The following CLVS1 variants were observed in gnomAD, a reference collection of about 807,000 sequenced individuals.
CLVS1 encodes clavesin 1.
Under a neutral mutation model 33.1 loss-of-function variants are expected in CLVS1, and 10 were observed. That is an observed-to-expected ratio of 0.30 (90% CI 0.19 to 0.51). The LOEUF (loss-of-function observed/expected upper bound fraction) is 0.51. CLVS1 is among the 20% of genes least tolerant of loss of function. CLVS1 has a pLI of 0.97. For synonymous variants in CLVS1, 163 were observed against 166.1 expected (o/e 0.98, Z 0.14); for missense variants, 343 against 433.4 (o/e 0.79, Z 1.85).
At chr8:61,140,832 C>T (rs1806295117) in intron 2 of CLVS1, among the ~76,000 whole-genome samples, 1 of 152,278 alleles carries the variant, frequency 6.6e-6, no homozygotes, top group African/African-American at 2.4e-5. Flanking sequence ...TCCCAAAGTA[C>T]TGGGATTACA....
At chr8:61,389,353 C>T (rs767263815) in intron 3 of CLVS1, among the ~76,000 whole-genome samples, 1 of 152,102 alleles carries the variant, frequency 6.6e-6, no homozygotes, top group Non-Finnish European at 1.5e-5. Flanking sequence ...TCCTGGCTAA[C>T]ACGGTGAAAC....
At chr8:61,141,479 GTA>G (rs142262369) in intron 2 of CLVS1, among the ~76,000 whole-genome samples, 1 of 150,896 alleles carries the variant, frequency 6.6e-6, no homozygotes, top group Non-Finnish European at 1.5e-5. Flanking sequence ...ATTGGCTTAT[GTA>G]TATATATATA....
chr8:61,210,462 C>T (rs1807948617), intron 2 of CLVS1, among the ~76,000 whole-genome samples: 2 of 152,178 alleles, frequency 1.3e-5, no homozygotes, highest in Non-Finnish European at 1.5e-5. Flanking sequence ...AAGATGACTT[C>T]CCTGCTGCCT....
At chr8:61,438,907 C>G (rs1563553630) in intron 3 of CLVS1, among the ~76,000 whole-genome samples, 1 of 152,076 alleles carries the variant, frequency 6.6e-6, no homozygotes, top group African/African-American at 2.4e-5. Context: ...ACTAAGTGAC[C>G]AGTAATTCTT....
At chr8:61,292,524 A>G in intron 1 of CLVS1, 1 of 372,272 alleles carries the variant, frequency 2.7e-6, no homozygotes, top group East Asian at 7.5e-5. Flanking sequence ...TTAGAGAAAT[A>G]CTCTTTCCCT....
chr8:61,499,692 C>T lies in CLVS1; in HGVS notation c.*150C>T. 1 of 509,044 alleles carries T rather than the reference C, an allele frequency of 2.0e-6. No homozygotes were observed. The highest frequency in any genetic ancestry group is 3.1e-5 in the Admixed American group (1 of 32,368). The allele number at this position is 509,044 out of a possible 1,614,324, so 31.5% of individuals were successfully genotyped here. A position where few individuals can be genotyped will look rare whatever the true frequency, so the allele number is the denominator to read the frequency against. On this transcript the variant is annotated 3_prime_UTR_variant, in exon 6 of 6. Transcript: ENST00000325897. ...AACCCCTGCAGTGACTGTCACCAGC[C>T]ATCGGTCTGAGCAGCCAAAGTTGGA...
chr8:61,069,290 T>C (rs1804745881), intron 1 of CLVS1, among the ~76,000 whole-genome samples: 1 of 152,136 alleles, frequency 6.6e-6, no homozygotes, highest in African/African-American at 2.4e-5. Flanking sequence ...ACAATGTAGG[T>C]CATAGGCCAT....
At chr8:61,462,399 T>G (rs1451419689) in intron 5 of CLVS1, among the ~76,000 whole-genome samples, 1 of 152,178 alleles carries the variant, frequency 6.6e-6, no homozygotes, top group Non-Finnish European at 1.5e-5. Flanking sequence ...GTTTTGTTTT[T>G]TTGAGACTGG....
chr8:61,276,437 C>A (rs17773313), intron 2 of CLVS1, among the ~76,000 whole-genome samples: 6,055 of 152,276 alleles, frequency 0.04, 171 homozygotes, highest in Non-Finnish European at 0.061. Context: ...CTCAAGAAAC[C>A]CTTGCATTCA....
intron 3 of CLVS1, among the ~76,000 whole-genome samples, chr8:61,421,325 T>C (rs1042870154): frequency 6.6e-6 from 1 of 152,210 alleles, no homozygotes; most frequent in South Asian, 2.1e-4. Flanking sequence ...GTGAGGAGTA[T>C]ATAAAGCAAT....
chr8:61,130,602 CTTTGT>C (rs1216389993), intron 1 of CLVS1, among the ~76,000 whole-genome samples: 9 of 152,078 alleles, frequency 5.9e-5, no homozygotes, highest in African/African-American at 1.2e-4. Context: ...ATTTGTTTTG[CTTTGT>C]TTTGTTTTGT....
At chr8:61,175,691 C>T (rs757631848) in intron 2 of CLVS1, among the ~76,000 whole-genome samples, 5 of 152,112 alleles carry the variant, frequency 3.3e-5, no homozygotes, top group Non-Finnish European at 5.9e-5. Context: ...CCAAGGAATG[C>T]CAAGGATTGC....
intron 2 of CLVS1, among the ~76,000 whole-genome samples, chr8:61,192,598 G>A (rs1807512908): frequency 6.6e-6 from 1 of 152,068 alleles, no homozygotes; most frequent in Non-Finnish European, 1.5e-5. Context: ...CAGAATGGGA[G>A]AAAATTTTTG....
the CLVS1 span, among the ~76,000 whole-genome samples, chr8:61,037,900 G>C: frequency 6.6e-6 from 1 of 152,176 alleles, no homozygotes; most frequent in African/African-American, 2.4e-5. Flanking sequence ...GCTCTGGCTG[G>C]GTGACCTTGC....
chr8:60,974,171 A>G, the CLVS1 span, among the ~76,000 whole-genome samples: 2 of 152,152 alleles, frequency 1.3e-5, no homozygotes, highest in African/African-American at 4.8e-5. Context: ...TCCCTGAGGA[A>G]TTCACTGCTT....
chr8:61,387,547 T>C (rs1814137315), intron 3 of CLVS1, among the ~76,000 whole-genome samples: 1 of 150,582 alleles, frequency 6.6e-6, no homozygotes, highest in Non-Finnish European at 1.5e-5. Flanking sequence ...AGTTCTTTAG[T>C]GGTGATTTCT....
intron 2 of CLVS1, among the ~76,000 whole-genome samples, chr8:61,176,848 A>C (rs1807121692): frequency 6.6e-6 from 1 of 152,190 alleles, no homozygotes; most frequent in African/African-American, 2.4e-5. Context: ...GATCCCACTC[A>C]TGAGCCCACA....
Position 61,181,188 on chromosome 8 carries a change from C to T in CLVS1, c.-152+49328C>T, listed in dbSNP as rs563300455. On this transcript the variant is annotated intron_variant, in intron 2 of 2. Transcript: ENST00000522621. ...AATCACAAGTATTCCTATACACCAA[C>T]AATAGACAAGCAGACAGCCAAATCA... Among the ~76,000 whole-genome samples, 13 of 152,182 alleles carry T rather than the reference C, an allele frequency of 8.5e-5. No homozygotes were observed. The South Asian group carries it at 2.7e-3, about 32-fold the overall frequency.
chr8:61,074,696 C>G (rs1033366244), intron 1 of CLVS1, among the ~76,000 whole-genome samples: 1 of 151,840 alleles, frequency 6.6e-6, no homozygotes, highest in Non-Finnish European at 1.5e-5. Flanking sequence ...TCTGTTTTAC[C>G]TCAGCTTTCC....
Sources: allele counts gnomAD v4.1 joint callset (sites outside exome capture counted in the v4.1 genomes callset), GRCh38; gene constraint gnomAD v4.1.1; transcripts MANE v1.5; gene names NCBI Gene and HGNC (gene_info 2026-07-23, HGNC 2026-07-21).